Variants in SERBP1 observed in about 807,000 individuals in gnomAD.
SERBP1 encodes SERPINE1 mRNA binding protein 1, also known as SERPINE1 mRNA-binding protein 1.
Under a neutral mutation model 50.2 loss-of-function variants are expected in SERBP1, and 6 were observed. That is an observed-to-expected ratio of 0.12 (90% CI 0.07 to 0.24). SERBP1 has a LOEUF of 0.24. Among genes scored for constraint, SERBP1 ranks in the 10% least tolerant of loss-of-function variants. The pLI is 1.00. For synonymous variants in SERBP1, 168 were observed against 182.8 expected (o/e 0.92, Z 0.65); for missense variants, 346 against 524.9 (o/e 0.66, Z 3.33).
chr1:67,418,681 T>G (rs896832572), intron 6 of SERBP1, among the ~76,000 whole-genome samples: 1 of 151,836 alleles, frequency 6.6e-6, no homozygotes, highest in African/African-American at 2.4e-5. Context: ...ACTGTTTGAA[T>G]CCGGGAGGTG....
rs535716011 is a variant in SERBP1, at chr1:67,419,114, G to C, written c.951+895C>G. 3.9e-5 allele frequency among the ~76,000 whole-genome samples: 6 copies of C among 152,316 alleles called. No individual in the cohort carries two copies. In the East Asian group the frequency reaches 9.6e-4, roughly 24 times the overall value. On this transcript the variant is annotated intron_variant, in intron 6 of 7. Transcript: ENST00000361219. The stretch of plus-strand genomic sequence containing the variant: ...GTTGACCCTTGAACAACGTGGCTTT[G>C]AACATTCTGCCTCTGTCAGTCTTGA...
chr1:67,410,017 A>G lies in SERBP1; in HGVS notation c.*3190T>C, dbSNP rs1570272739. The G allele has an allele frequency of 6.6e-6, 1 of 152,256 alleles. No individual in the cohort carries two copies. The highest frequency in any genetic ancestry group is 1.9e-4 in the East Asian group (1 of 5,194). The allele number at this position is 152,256 out of a possible 1,614,324, so 9.4% of individuals were successfully genotyped here. ...ATCCAAAACGTCTGGGTTATAATCT[A>G]TTTTCTAAGTGTTTACTTTAGAAAG... On this transcript the variant is annotated 3_prime_UTR_variant, in exon 8 of 8. Coordinates refer to ENST00000361219, the MANE Select transcript of SERBP1 (RefSeq NM_001018069.2).
At chr1:67,418,109 G>C (rs888144566) in intron 6 of SERBP1, among the ~76,000 whole-genome samples, 1 of 150,006 alleles carries the variant, frequency 6.7e-6, no homozygotes, top group African/African-American at 2.4e-5. Context: ...CTGAGTAGCT[G>C]GGATTACAGG....
chr1:67,422,960 CAAACAAAACAAAACA>C (rs57255283), intron 5 of SERBP1, among the ~76,000 whole-genome samples: 179 of 147,558 alleles, frequency 1.2e-3, no homozygotes, highest in East Asian at 0.011. Flanking sequence ...AGAATGTCTC[CAAACAAAACAAAACA>C]AAACAAAACA....
chr1:67,419,727 A>C (rs1250946107), intron 6 of SERBP1: 2 of 335,752 alleles, frequency 6.0e-6, no homozygotes, highest in Non-Finnish European at 1.1e-5. Context: ...AAGAACTATC[A>C]TATTTCTGAA....
intron 5 of SERBP1, among the ~76,000 whole-genome samples, chr1:67,421,832 T>C (rs1047490105): frequency 1.3e-5 from 2 of 152,086 alleles, no homozygotes; most frequent in African/African-American, 4.8e-5. Context: ...AGCATGCCTG[T>C]AGTCCCAGTA....
chr1:67,428,936 C>T (rs769566959), intron 1 of SERBP1, among the ~76,000 whole-genome samples: 12 of 152,164 alleles, frequency 7.9e-5, no homozygotes, highest in Middle Eastern at 3.2e-3. Context: ...AGGTCCAACA[C>T]CTGCTTGCTA....
At chr1:67,416,400 A>G (rs1667013002) in intron 6 of SERBP1, among the ~76,000 whole-genome samples, 1 of 152,218 alleles carries the variant, frequency 6.6e-6, no homozygotes, top group Non-Finnish European at 1.5e-5. Flanking sequence ...GTCTGGGGGA[A>G]AAAAGCAAAA....
At chr1:67,422,242 G>A (rs576125264) in intron 5 of SERBP1, among the ~76,000 whole-genome samples, 8 of 152,204 alleles carry the variant, frequency 5.3e-5, no homozygotes, top group Middle Eastern at 3.4e-3. Context: ...TTTAAGGTGC[G>A]GCAGCTCACG....
rs182750413 is a variant in SERBP1 at position 67,425,489 on chromosome 1, A to C, written c.465-266T>G. Among the ~76,000 whole-genome samples the C allele has an allele frequency of 2.6e-3, 389 of 152,362 alleles. 1 individual carries two copies. The highest frequency in any genetic ancestry group is 9.0e-3 in the African/African-American group (375 of 41,578). On this transcript the variant is annotated intron_variant, in intron 2 of 7. Transcript: ENST00000361219. Reference sequence around the variant, plus strand: ...TTCCACTGCTATTCATTGCACATATAATCCAGTCCATCACTATTTACCAAT... The same window carrying C: ...TTCCACTGCTATTCATTGCACATATCATCCAGTCCATCACTATTTACCAAT...
At chr1:67,415,441 T>A in intron 6 of SERBP1, 102 bp from the exon 7 acceptor site, 1 of 1,182,246 alleles carries the variant, frequency 8.5e-7, no homozygotes, top group Non-Finnish European at 1.2e-6. Flanking sequence ...AAATCCAAAC[T>A]GTACTTTCTG....
intron 5 of SERBP1, among the ~76,000 whole-genome samples, chr1:67,422,295 C>T (rs1667223362): frequency 2.0e-5 from 3 of 152,048 alleles, no homozygotes; most frequent in Non-Finnish European, 4.4e-5. Context: ...GGGCAGATCA[C>T]CTGAGGTCAG....
rs1020325132 is a variant in SERBP1, at chr1:67,411,014, A to T, written c.*2193T>A. ...GAAACCAGGAAACACATGACAATAA[A>T]CATGATCCTATTTGATTGTTTTTAT... On this transcript the variant is annotated 3_prime_UTR_variant, in exon 8 of 8. Coordinates refer to ENST00000361219, the MANE Select transcript of SERBP1 (RefSeq NM_001018069.2). 92 of 152,296 alleles carry T rather than the reference A, an allele frequency of 6.0e-4. No individual in the cohort carries two copies. Among genetic ancestry groups the T allele is most frequent in the Middle Eastern group, 6.8e-3 (2 of 294 alleles). The allele number at this position is 152,296 out of a possible 1,614,324, so 9.4% of individuals were successfully genotyped here.
intron 5 of SERBP1, among the ~76,000 whole-genome samples, chr1:67,422,516 A>G (rs965770767): frequency 6.6e-6 from 1 of 152,048 alleles, no homozygotes; most frequent in African/African-American, 2.4e-5. Flanking sequence ...ATCTCAAAAA[A>G]AAAAAAGAAA....
At chr1:67,429,774 G>A in intron 1 of SERBP1, 2 of 537,628 alleles carry the variant, frequency 3.7e-6, no homozygotes, top group Admixed American at 3.8e-5. Context: ...GGAAGGGGAT[G>A]GCTCCGAGAA....
intron 5 of SERBP1, 147 bp downstream of exon 5, chr1:67,424,053 C>A (rs962442056): frequency 1.4e-6 from 1 of 735,690 alleles, no homozygotes; most frequent in Admixed American, 3.1e-5. Context: ...CTTTCAAATA[C>A]TCTTTGAGGG....
In SERBP1 at chr1:67,411,484, T is replaced by A. The variant is rs1666842866; in HGVS notation, c.*1723A>T. 1 of 152,190 alleles carries A rather than the reference T, an allele frequency of 6.6e-6. No homozygotes were observed. The highest frequency in any genetic ancestry group is 1.5e-5 in the Non-Finnish European group (1 of 68,000). 9.4% of individuals were successfully genotyped at this position (152,190 alleles called of 1,614,324 possible). ...TGGGTAGCACGTATGTGTGTAAATA[T>A]AAAATTATATTAGACATTAGCACCA... On this transcript the variant is annotated 3_prime_UTR_variant, in exon 8 of 8. Transcript: ENST00000361219.
In SERBP1 at chr1:67,410,377, T is replaced by C. The variant is rs1432139547; in HGVS notation, c.*2830A>G. On this transcript the variant is annotated 3_prime_UTR_variant, in exon 8 of 8. Coordinates refer to ENST00000361219, the MANE Select transcript of SERBP1 (RefSeq NM_001018069.2). ...TAACAAAATTAGAATGAATACTTAA[T>C]ATCCTCCTTTTAAATCCATACCAAA... is the stretch of plus-strand genomic sequence containing the variant. The C allele has an allele frequency of 6.6e-6, 1 of 152,182 alleles. No individual in the cohort carries two copies. Among genetic ancestry groups the C allele is most frequent in the Non-Finnish European group, 1.5e-5 (1 of 68,040 alleles). 9.4% of individuals were successfully genotyped at this position (152,182 alleles called of 1,614,324 possible). A position where few individuals can be genotyped will look rare whatever the true frequency, so the allele number is the denominator to read the frequency against.
intron 6 of SERBP1, among the ~76,000 whole-genome samples, chr1:67,417,512 T>C (rs1159348273): frequency 6.6e-6 from 1 of 151,930 alleles, no homozygotes; most frequent in African/African-American, 2.4e-5. Context: ...CCTTTTTTTT[T>C]TTCTTTTTTC....
Sources: gnomAD v4.1 joint callset for allele counts (sites outside exome capture counted in the v4.1 genomes callset) on GRCh38, gnomAD v4.1.1 for gene constraint, MANE v1.5 for transcripts, NCBI Gene and HGNC (gene_info 2026-07-23, HGNC 2026-07-21) for gene names.